The following CCSER1 variants were observed in gnomAD, a reference collection of about 807,000 sequenced individuals.
The protein encoded by CCSER1 is coiled-coil serine rich protein 1, also known as serine-rich coiled-coil domain-containing protein 1.
A neutral mutation model predicts 82.0 loss-of-function variants in CCSER1; 41 were observed. The observed-to-expected ratio is 0.50, with a 90% CI of 0.39 to 0.65. The LOEUF (loss-of-function observed/expected upper bound fraction) is 0.65, where lower values mean the gene tolerates loss of function less well. CCSER1 is among the 30% of genes least tolerant of loss of function. CCSER1 has a pLI of 0.00. For synonymous variants in CCSER1, 414 were observed against 383.9 expected (o/e 1.08, Z -0.92); for missense variants, 1,119 against 1,064.2 (o/e 1.05, Z -0.72).
In CCSER1 at chr4:91,126,764, G is replaced by C. The variant is rs1004977168; in HGVS notation, c.2217+40770G>C. Among the ~76,000 whole-genome samples, 3 of 152,016 alleles carry C rather than the reference G, an allele frequency of 2.0e-5. No homozygotes were observed. In the South Asian group the frequency reaches 6.2e-4, roughly 31 times the overall value. On this transcript the variant is annotated intron_variant, in intron 10 of 10. Transcript: ENST00000509176. ...GGTAAGAGCAACTATTCTGTCACAA[G>C]TTTGGGATGATCAGATATGCTACAT... is the stretch of plus-strand genomic sequence containing the variant.
At chr4:90,318,369 T>A (rs1049972323) in intron 3 of CCSER1, among the ~76,000 whole-genome samples, 6 of 152,202 alleles carry the variant, frequency 3.9e-5, no homozygotes, top group Admixed American at 3.9e-4. Flanking sequence ...ACTCAGCAAA[T>A]GCATTTGCAA....
At chr4:91,087,121 A>C (rs958154479) in intron 10 of CCSER1, among the ~76,000 whole-genome samples, 4 of 152,116 alleles carry the variant, frequency 2.6e-5, no homozygotes, top group African/African-American at 9.6e-5. Flanking sequence ...TGTAACCAAA[A>C]TGGATCTACT....
chr4:91,531,405 G>A (rs1042840341), intron 10 of CCSER1, among the ~76,000 whole-genome samples: 7 of 152,030 alleles, frequency 4.6e-5, no homozygotes, highest in African/African-American at 1.7e-4. Flanking sequence ...GTATCAGTGT[G>A]GTGAGTTCTT....
At chr4:91,180,612 G>T (rs1350896474) in intron 10 of CCSER1, among the ~76,000 whole-genome samples, 1 of 152,186 alleles carries the variant, frequency 6.6e-6, no homozygotes, top group African/African-American at 2.4e-5. Flanking sequence ...TCTGAGCCAG[G>T]CACAGGATTT....
chr4:91,386,806 AT>A (rs1436199838), intron 10 of CCSER1, among the ~76,000 whole-genome samples: 1 of 152,076 alleles, frequency 6.6e-6, no homozygotes, highest in Non-Finnish European at 1.5e-5. Flanking sequence ...TATAGCCTGC[AT>A]TTAATCATGA....
At chr4:90,737,116 T>C (rs1251894258) in intron 7 of CCSER1, among the ~76,000 whole-genome samples, 1 of 152,166 alleles carries the variant, frequency 6.6e-6, no homozygotes, top group East Asian at 1.9e-4. Context: ...ATTCATCTTT[T>C]AGTTTTTCTA....
At chr4:91,536,885 T>G (rs1761326140) in intron 10 of CCSER1, among the ~76,000 whole-genome samples, 1 of 152,042 alleles carries the variant, frequency 6.6e-6, no homozygotes, top group African/African-American at 2.4e-5. Context: ...GCCCTAGAAC[T>G]CCTAAGATTT....
chr4:91,254,506 G>A (rs780711059), intron 10 of CCSER1, among the ~76,000 whole-genome samples: 2 of 152,098 alleles, frequency 1.3e-5, no homozygotes, highest in Non-Finnish European at 2.9e-5. Flanking sequence ...AATTATAAAG[G>A]CTGGAAACAG....
intron 1 of CCSER1, among the ~76,000 whole-genome samples, chr4:90,241,529 C>G (rs1746834316): frequency 6.6e-6 from 1 of 152,130 alleles, no homozygotes; most frequent in Admixed American, 6.5e-5. Flanking sequence ...ATTTTCCTAG[C>G]AGCCAGAACA....
intron 8 of CCSER1, among the ~76,000 whole-genome samples, chr4:90,913,961 G>A (rs1318807599): frequency 6.6e-6 from 1 of 152,182 alleles, no homozygotes; most frequent in African/African-American, 2.4e-5. Flanking sequence ...AAATATGCAT[G>A]CACCCATTAC....
chr4:91,318,548 C>A (rs1745981602), intron 10 of CCSER1, among the ~76,000 whole-genome samples: 1 of 151,908 alleles, frequency 6.6e-6, no homozygotes, highest in East Asian at 1.9e-4. Flanking sequence ...ATGAGCAAAA[C>A]AAGGATAATA....
intron 5 of CCSER1, among the ~76,000 whole-genome samples, chr4:90,530,775 G>T (rs1458825186): frequency 6.6e-6 from 1 of 152,096 alleles, no homozygotes; most frequent in Non-Finnish European, 1.5e-5. Flanking sequence ...TCCATGCCCT[G>T]GTTTTCAGGG....
At chr4:90,765,404 AT>A (rs922012477) in intron 7 of CCSER1, among the ~76,000 whole-genome samples, 1 of 152,022 alleles carries the variant, frequency 6.6e-6, no homozygotes, top group Non-Finnish European at 1.5e-5. Context: ...CCTAATATGG[AT>A]TTTCTTTAAA....
chr4:90,354,349 A>T (rs1405208542), intron 3 of CCSER1, among the ~76,000 whole-genome samples: 1 of 152,218 alleles, frequency 6.6e-6, no homozygotes, highest in South Asian at 2.1e-4. Context: ...GATGAATATA[A>T]ATATTTGGCA....
chr4:90,169,922 G>A (rs956807010), intron 1 of CCSER1, among the ~76,000 whole-genome samples: 7 of 151,688 alleles, frequency 4.6e-5, no homozygotes, highest in Admixed American at 2.0e-4. Context: ...GATAATACAC[G>A]TATCCTGGAC....
chr4:90,926,303 TGTTTCTTATACTC>T (rs1444072499), intron 9 of CCSER1, among the ~76,000 whole-genome samples: 1 of 152,020 alleles, frequency 6.6e-6, no homozygotes, highest in African/African-American at 2.4e-5. Context: ...ACATTATGGA[TGTTTCTTATACTC>T]TTTTGTTTTC....
intron 8 of CCSER1, among the ~76,000 whole-genome samples, chr4:90,917,666 T>TA (rs770860682): frequency 6.6e-6 from 1 of 151,828 alleles, no homozygotes; most frequent in Non-Finnish European, 1.5e-5. Flanking sequence ...GTATAATTTT[T>TA]TAAAAAAGAT....
At position 90,215,493 on chromosome 4, in the gene CCSER1, T is replaced by A. The variant is rs1578537364; in HGVS notation, c.-42+87662T>A. 2.0e-5 allele frequency among the ~76,000 whole-genome samples: 3 copies of A among 152,294 alleles called. No homozygotes were observed. In the East Asian group the frequency reaches 5.8e-4, roughly 29 times the overall value. On this transcript the variant is annotated intron_variant, in intron 1 of 10. Transcript: ENST00000509176. The stretch of plus-strand genomic sequence containing the variant: ...TAATGAGGGGTGAGTAAGCTTTCAC[T>A]GTATAGATTTCAACATCACCTGACT...
At chr4:90,237,784 A>G (rs975494043) in intron 1 of CCSER1, among the ~76,000 whole-genome samples, 1 of 152,168 alleles carries the variant, frequency 6.6e-6, no homozygotes, top group Non-Finnish European at 1.5e-5. Context: ...AATAACGACA[A>G]CATCTTAATT....
Sources: allele counts gnomAD v4.1 joint callset (sites outside exome capture counted in the v4.1 genomes callset), GRCh38; gene constraint gnomAD v4.1.1; transcripts MANE v1.5; gene names NCBI Gene and HGNC (gene_info 2026-07-23, HGNC 2026-07-21).